The following MBNL2 variants were observed in gnomAD, a reference collection of about 807,000 sequenced individuals.
The protein encoded by MBNL2 is muscleblind like splicing regulator 2.
In MBNL2, 17 loss-of-function variants were observed where a neutral mutation model predicts 41.9. The observed-to-expected ratio is 0.41, with a 90% CI of 0.28 to 0.61. The LOEUF is 0.61. Ranked by LOEUF, MBNL2 falls within the 20% of genes least tolerant of loss-of-function variation. The probability of loss-of-function intolerance (pLI) is 0.35; values close to 1 mark genes in which losing one functional copy is unlikely to be tolerated. For synonymous variants in MBNL2, 195 were observed against 182.9 expected, an observed-to-expected ratio of 1.07 and a Z score of -0.53; for missense variants, 336 against 505.6, an observed-to-expected ratio of 0.66 and a Z score of 3.22.
At chr13:97,177,868 A>G in the MBNL2 span, among the ~76,000 whole-genome samples, 1 of 152,210 alleles carries the variant, frequency 6.6e-6, no homozygotes, top group Admixed American at 6.5e-5. Context: ...GAAGAAAATG[A>G]AACAGTATCT....
chr13:97,366,376 T>C lies in MBNL2; in HGVS notation c.1048+1205T>C. ...AACCCATGATGGCTTGCTGCTCTGA[T>C]ATTCACCATGCCAAAATACCACTTC... On this transcript the variant is annotated intron_variant, in intron 8 of 8. Coordinates refer to ENST00000679496, the MANE Select transcript of MBNL2 (RefSeq NM_001382683.1). This position sits in a 1 kb window ranked among gnomAD's most constrained non-coding sequence, Gnocchi z 4.7. 1.4e-6 allele frequency: 1 copy of C among 715,824 alleles called. No individual in the cohort carries two copies. Among genetic ancestry groups the C allele is most frequent in the Non-Finnish European group, 2.5e-6 (1 of 397,016 alleles). 44.3% of individuals were successfully genotyped at this position (715,824 alleles called of 1,614,324 possible). A position where few individuals can be genotyped will look rare whatever the true frequency, so the allele number is the denominator to read the frequency against.
intron 5 of MBNL2, among the ~76,000 whole-genome samples, chr13:97,353,906 C>T (rs2062736827): frequency 6.6e-6 from 1 of 152,144 alleles, no homozygotes; most frequent in Non-Finnish European, 1.5e-5. Flanking sequence ...TACCTTCTTT[C>T]CTACTTTAAA....
the MBNL2 span, among the ~76,000 whole-genome samples, chr13:97,213,485 A>G: frequency 1.3e-5 from 2 of 152,184 alleles, no homozygotes; most frequent in Non-Finnish European, 2.9e-5. Flanking sequence ...TCCCAGAATC[A>G]AGGCTCTGAG....
At chr13:97,259,614 G>A (rs2048228732) in intron 1 of MBNL2, among the ~76,000 whole-genome samples, 2 of 152,248 alleles carry the variant, frequency 1.3e-5, no homozygotes, top group East Asian at 1.9e-4. Flanking sequence ...AAACTCAGCC[G>A]AGCTGGTAAG....
At chr13:97,262,113 G>A (rs1250030622) in intron 1 of MBNL2, among the ~76,000 whole-genome samples, 1 of 152,214 alleles carries the variant, frequency 6.6e-6, no homozygotes, top group Non-Finnish European at 1.5e-5. Context: ...GGTTCCAAAA[G>A]GGTAGCTGCT....
intron 1 of MBNL2, among the ~76,000 whole-genome samples, chr13:97,245,426 A>G (rs897969216): frequency 5.3e-5 from 8 of 152,172 alleles, no homozygotes; most frequent in African/African-American, 1.7e-4. Flanking sequence ...GTGGTTACAA[A>G]GCTAGGATTC....
chr13:97,368,316 G>A (rs767928972), intron 8 of MBNL2, among the ~76,000 whole-genome samples: 38 of 152,116 alleles, frequency 2.5e-4, no homozygotes, highest in Non-Finnish European at 4.6e-4. Context: ...GGGAGGCTGA[G>A]GTGGGAGGAT....
intron 7 of MBNL2, among the ~76,000 whole-genome samples, chr13:97,364,731 C>G (rs899689365): frequency 6.6e-5 from 10 of 152,154 alleles, no homozygotes; most frequent in African/African-American, 1.9e-4. Context: ...TGACCCACAC[C>G]ATGCATGGCC....
At chr13:97,328,190 T>C (rs1185532920) in intron 2 of MBNL2, among the ~76,000 whole-genome samples, 4 of 150,396 alleles carry the variant, frequency 2.7e-5, no homozygotes, top group Non-Finnish European at 5.9e-5. Flanking sequence ...TTTTTTTTTT[T>C]TTTTTACACT....
intron 2 of MBNL2, among the ~76,000 whole-genome samples, chr13:97,311,576 C>T (rs1253638971): frequency 6.6e-6 from 1 of 151,782 alleles, no homozygotes; most frequent in Admixed American, 6.6e-5. Context: ...TTCATAAATA[C>T]AAAAATAGCA....
At chr13:97,180,250 C>T in the MBNL2 span, among the ~76,000 whole-genome samples, 1 of 151,978 alleles carries the variant, frequency 6.6e-6, no homozygotes, top group African/African-American at 2.4e-5. Flanking sequence ...ACTGATGGTG[C>T]CAGTCACAGA....
chr13:97,171,906 G>A, the MBNL2 span, among the ~76,000 whole-genome samples: 3 of 152,034 alleles, frequency 2.0e-5, no homozygotes, highest in African/African-American at 2.4e-5. Context: ...CTTTTTGCTC[G>A]GCTCTCATTC....
chr13:97,287,918 GTTTTTTTTTTGTT>G (rs1269686420), intron 2 of MBNL2, among the ~76,000 whole-genome samples: 1 of 124,630 alleles, frequency 8.0e-6, no homozygotes, highest in African/African-American at 3.5e-5. Flanking sequence ...CTAATTTTCT[GTTTTTTTTTTGTT>G]TTGTTTTGTT....
At position 97,350,422 on chromosome 13, in the gene MBNL2, A is replaced by G. The variant is rs561186056; in HGVS notation, c.804+3355A>G. Among the ~76,000 whole-genome samples the G allele has an allele frequency of 9.2e-5, 14 of 152,340 alleles. No individual in the cohort carries two copies. The East Asian group carries it at 2.3e-3, about 25-fold the overall frequency. ...TAAAAATACAATTTCTTAAAACACA[A>G]TGAACATTGCCACATTGATTGACTC... is the stretch of plus-strand genomic sequence containing the variant. On this transcript the variant is annotated intron_variant, in intron 5 of 8. Transcript: ENST00000679496.
At chr13:97,349,506 A>AT (rs1452288040) in intron 5 of MBNL2, among the ~76,000 whole-genome samples, 8 of 151,898 alleles carry the variant, frequency 5.3e-5, no homozygotes, top group Non-Finnish European at 8.8e-5. Flanking sequence ...CTAAGAACAC[A>AT]TTTTTCCACA....
chr13:97,188,132 AG>A, the MBNL2 span, among the ~76,000 whole-genome samples: 2 of 152,202 alleles, frequency 1.3e-5, no homozygotes, highest in Non-Finnish European at 2.9e-5. Context: ...AAGTTACAAA[AG>A]GTGAGAGGAA....
At chr13:97,278,403 G>A (rs1485991480) in intron 2 of MBNL2, among the ~76,000 whole-genome samples, 1 of 151,858 alleles carries the variant, frequency 6.6e-6, no homozygotes, top group Non-Finnish European at 1.5e-5. Context: ...CTCCAATTGG[G>A]TATTTAATAT....
chr13:97,201,604 T>A, the MBNL2 span, among the ~76,000 whole-genome samples: 1 of 152,216 alleles, frequency 6.6e-6, no homozygotes, highest in Non-Finnish European at 1.5e-5. Flanking sequence ...TAAAAACTTT[T>A]ATCTATTCAT....
intron 1 of MBNL2, among the ~76,000 whole-genome samples, chr13:97,243,587 C>A (rs1157595495): frequency 1.3e-5 from 2 of 152,186 alleles, no homozygotes; most frequent in African/African-American, 2.4e-5. Context: ...AGTGGAGAAG[C>A]ACGTCAGTCT....
Sources: allele counts gnomAD v4.1 joint callset (sites outside exome capture counted in the v4.1 genomes callset), GRCh38; gene constraint gnomAD v4.1.1; non-coding constraint Gnocchi (gnomAD v3.1); transcripts MANE v1.5; gene names NCBI Gene and HGNC (gene_info 2026-07-23, HGNC 2026-07-21).